TNPO1: variants seen among roughly 807,000 people sequenced by gnomAD.
TNPO1 encodes transportin 1.
A neutral mutation model predicts 119.5 loss-of-function variants in TNPO1; 8 were observed. The observed-to-expected ratio is 0.07, with a 90% CI of 0.04 to 0.12. The LOEUF (loss-of-function observed/expected upper bound fraction) is 0.12, where lower values mean the gene tolerates loss of function less well. Ranked by LOEUF, TNPO1 falls within the 10% of genes least tolerant of loss-of-function variation. TNPO1 has a pLI of 1.00. For synonymous variants in TNPO1, 362 were observed against 363.0 expected, an observed-to-expected ratio of 1.00 and a Z score of 0.03; for missense variants, 576 against 1,089.8, an observed-to-expected ratio of 0.53 and a Z score of 6.64.
intron 1 of TNPO1, among the ~76,000 whole-genome samples, chr5:72,826,484 C>T (rs545389516): frequency 2.3e-3 from 357 of 152,240 alleles, no homozygotes; most frequent in African/African-American, 8.0e-3. Flanking sequence ...TCCTCCTCCT[C>T]CTGCAAGAAT....
rs529427395 is a variant in TNPO1, at chr5:72,897,040, T to C, written c.2243-16T>C. 1 of 1,526,374 alleles carries C rather than the reference T, an allele frequency of 6.6e-7. No homozygotes were observed. The highest frequency in any genetic ancestry group is 2.4e-5 in the Admixed American group (1 of 42,480). The allele number at this position is 1,526,374 out of a possible 1,614,324, so 94.6% of individuals were successfully genotyped here. On this transcript the variant is annotated splice_polypyrimidine_tract_variant and intron_variant, in intron 19 of 24. Transcript: ENST00000337273. ...TTTTTTCTTTTTTGTTTTTTTCTTTTTGGGATGATCTCTAGGTATAGAGAT... is the reference window on the plus strand; with the variant it reads ...TTTTTTCTTTTTTGTTTTTTTCTTTCTGGGATGATCTCTAGGTATAGAGAT...
In TNPO1 at chr5:72,889,858, G is replaced by A; in HGVS notation, c.1602G>A (p.Leu534=). ...ACCTTGCTTATATACTTGATACCCT[G>A]GTCTTTGCATTTAGTAAATACCAGC... ...VPYLAYILDT[L]VFAFSKYQHK... is the part of the protein sequence containing the mutation. The change falls in exon 14 of 25, where the codon CTG becomes CTA. Residue 534 remains leucine, a synonymous_variant. Transcript: ENST00000337273. The A allele has an allele frequency of 1.2e-6, 2 of 1,612,924 alleles. No homozygotes were observed. Among genetic ancestry groups the A allele is most frequent in the East Asian group, 2.2e-5 (1 of 44,792 alleles).
chr5:72,902,915 C>G (rs906973544), intron 22 of TNPO1, among the ~76,000 whole-genome samples: 2 of 151,966 alleles, frequency 1.3e-5, no homozygotes, highest in African/African-American at 2.4e-5. Flanking sequence ...AATAAACATA[C>G]ACACACTGTA....
intron 7 of TNPO1, among the ~76,000 whole-genome samples, chr5:72,873,103 TG>T (rs1314438923): frequency 3.3e-5 from 5 of 152,150 alleles, no homozygotes; most frequent in Admixed American, 1.3e-4. Context: ...TAAGTTCATT[TG>T]GTAGAATCTG....
At chr5:72,838,569 A>G (rs1744790030) in intron 1 of TNPO1, among the ~76,000 whole-genome samples, 2 of 152,166 alleles carry the variant, frequency 1.3e-5, no homozygotes, top group Admixed American at 6.5e-5. Context: ...AAGTATAGCT[A>G]TAATTAGTAA....
At chr5:72,894,024 G>C (rs1749243873) in intron 18 of TNPO1, among the ~76,000 whole-genome samples, 1 of 152,168 alleles carries the variant, frequency 6.6e-6, no homozygotes, top group Admixed American at 6.5e-5. Flanking sequence ...TTTTTGAGTA[G>C]CCACCTTTTT....
intron 6 of TNPO1, among the ~76,000 whole-genome samples, chr5:72,872,081 G>C (rs1406363166): frequency 6.6e-6 from 1 of 152,066 alleles, no homozygotes; most frequent in East Asian, 1.9e-4. Context: ...GCTGTAGTGG[G>C]GTTTGGCACA....
chr5:72,817,578 A>T (rs1282642132), intron 1 of TNPO1, among the ~76,000 whole-genome samples: 3 of 152,224 alleles, frequency 2.0e-5, no homozygotes, highest in Non-Finnish European at 4.4e-5. Flanking sequence ...CTATCAGTAG[A>T]TGTAAATGTA....
chr5:72,897,156 C>T lies in TNPO1; in HGVS notation c.2338+5C>T, dbSNP rs1561356990. 1 of 1,586,146 alleles carries T rather than the reference C, an allele frequency of 6.3e-7. No individual in the cohort carries two copies. The highest frequency in any genetic ancestry group is 8.6e-7 in the Non-Finnish European group (1 of 1,167,054). On this transcript the variant is annotated splice_donor_5th_base_variant and intron_variant, in intron 20 of 24. Transcript: ENST00000337273. ...AGACGTTGTTAGAGAATACAGGTACCATATGACTGAACTGTTTCAGTGAAG... is the reference window on the plus strand; with the variant it reads ...AGACGTTGTTAGAGAATACAGGTACTATATGACTGAACTGTTTCAGTGAAG...
chr5:72,907,181 T>C (rs1750234572), intron 24 of TNPO1, among the ~76,000 whole-genome samples: 1 of 152,108 alleles, frequency 6.6e-6, no homozygotes, highest in Non-Finnish European at 1.5e-5. Context: ...GGCTTTGGCA[T>C]TTTGGAAAAG....
chr5:72,869,442 G>A (rs561683565), intron 6 of TNPO1, among the ~76,000 whole-genome samples: 19 of 152,224 alleles, frequency 1.2e-4, no homozygotes, highest in Non-Finnish European at 2.5e-4. Flanking sequence ...AGTTACTTGG[G>A]AGGCTGAGGC....
chr5:72,865,758 A>G, intron 6 of TNPO1, 29 bp downstream of exon 6: 2 of 1,597,902 alleles, frequency 1.3e-6, no homozygotes, highest in Non-Finnish European at 1.7e-6. Flanking sequence ...CTAATTGATT[A>G]ACTGTGATAT....
rs7718870 is a variant in TNPO1, at chr5:72,818,568, C to T, written c.15+1816C>T. On this transcript the variant is annotated intron_variant, in intron 1 of 24. Coordinates refer to ENST00000337273, the MANE Select transcript of TNPO1 (RefSeq NM_002270.4). ...GAAAAGAAACCTGGTTATAAAGTGA[C>T]GTCAAACCAAGTGACATAGGTAATG... 2.1e-3 allele frequency among the ~76,000 whole-genome samples: 323 copies of T among 152,078 alleles called. 3 individuals carry two copies. Among genetic ancestry groups the T allele is most frequent in the African/African-American group, 7.5e-3 (309 of 41,468 alleles).
At chr5:72,893,311 T>C (rs1229336302) in intron 16 of TNPO1, 65 bp downstream of exon 16, 1 of 1,606,122 alleles carries the variant, frequency 6.2e-7, no homozygotes. Context: ...ATAGGTATAA[T>C]GTATACAGAC....
At chr5:72,848,125 C>G (rs1002973204) in intron 1 of TNPO1, 1 of 1,167,248 alleles carries the variant, frequency 8.6e-7, no homozygotes, top group Non-Finnish European at 1.1e-6. Flanking sequence ...CGCGGTGACT[C>G]AGTCTGGTCG....
chr5:72,860,914 AT>A (rs61301093), intron 4 of TNPO1, among the ~76,000 whole-genome samples: 307 of 144,008 alleles, frequency 2.1e-3, no homozygotes, highest in Admixed American at 2.6e-3. Flanking sequence ...ATAAATTAGA[AT>A]TTTTTTTTTT....
At chr5:72,870,541 C>A (rs922513631) in intron 6 of TNPO1, among the ~76,000 whole-genome samples, 1 of 152,152 alleles carries the variant, frequency 6.6e-6, no homozygotes, top group Non-Finnish European at 1.5e-5. Flanking sequence ...TATTCCCAGG[C>A]ACTTACTTGG....
intron 22 of TNPO1, among the ~76,000 whole-genome samples, chr5:72,902,287 C>T (rs1413397258): frequency 4.6e-5 from 7 of 152,034 alleles, no homozygotes; most frequent in Admixed American, 2.6e-4. Context: ...TTTCCTAGCT[C>T]GTATTGTGGT....
intron 1 of TNPO1, among the ~76,000 whole-genome samples, chr5:72,834,094 T>C (rs78628094): frequency 0.033 from 5,060 of 152,244 alleles, 291 homozygotes; most frequent in African/African-American, 0.12. Context: ...TTCTATTGCG[T>C]CTTGATGCTG....
Sources: gnomAD v4.1 joint callset for allele counts (sites outside exome capture counted in the v4.1 genomes callset) on GRCh38, gnomAD v4.1.1 for gene constraint, MANE v1.5 for transcripts, NCBI Gene and HGNC (gene_info 2026-07-23, HGNC 2026-07-21) for gene names.